Variants in ROBO2 observed in about 807,000 individuals in gnomAD.
The protein encoded by ROBO2 is roundabout guidance receptor 2, also known as roundabout homolog 2.
Under a neutral mutation model 160.8 loss-of-function variants are expected in ROBO2, and 53 were observed. The observed-to-expected ratio is 0.33, with a 90% CI of 0.26 to 0.41. The LOEUF (loss-of-function observed/expected upper bound fraction) is 0.41. ROBO2 is among the 10% of genes least tolerant of loss of function. The probability of loss-of-function intolerance (pLI) is 1.00; values close to 1 mark genes in which losing one functional copy is unlikely to be tolerated. For synonymous variants in ROBO2, 664 were observed against 611.7 expected (o/e 1.09, Z -1.26); for missense variants, 1,577 against 1,722.4 (o/e 0.92, Z 1.49).
intron 2 of ROBO2, among the ~76,000 whole-genome samples, chr3:76,076,732 G>A (rs1207210210): frequency 1.3e-5 from 2 of 152,168 alleles, no homozygotes; most frequent in East Asian, 1.9e-4. Context: ...ACTGCCACAT[G>A]TGTTATATAG....
chr3:76,432,791 G>A (rs2076494601), intron 2 of ROBO2, among the ~76,000 whole-genome samples: 1 of 151,498 alleles, frequency 6.6e-6, no homozygotes, highest in African/African-American at 2.4e-5. Flanking sequence ...ACGCATAACC[G>A]AAAAAACAGG....
chr3:76,955,888 C>CAAAAAAAAA (rs35674535), intron 2 of ROBO2, among the ~76,000 whole-genome samples: 1 of 124,078 alleles, frequency 8.1e-6, no homozygotes. Context: ...GAGACTCCGT[C>CAAAAAAAAA]AAAAAAAAAA....
intron 2 of ROBO2, among the ~76,000 whole-genome samples, chr3:76,060,567 G>A (rs1305515832): frequency 6.6e-6 from 1 of 152,204 alleles, no homozygotes; most frequent in East Asian, 1.9e-4. Flanking sequence ...AAGGCTGGCA[G>A]CAATTTCTGG....
intron 21 of ROBO2, among the ~76,000 whole-genome samples, chr3:77,609,791 C>T (rs7651815): frequency 3.5e-4 from 50 of 143,684 alleles, no homozygotes; most frequent in African/African-American, 1.2e-3. Context: ...TTTATATATA[C>T]ATATATATAT....
chr3:77,410,028 G>C (rs2076577312), intron 2 of ROBO2, among the ~76,000 whole-genome samples: 1 of 152,078 alleles, frequency 6.6e-6, no homozygotes, highest in Non-Finnish European at 1.5e-5. Flanking sequence ...CCTTAATTGG[G>C]TTATCTCCTA....
intron 2 of ROBO2, among the ~76,000 whole-genome samples, chr3:77,361,663 A>T (rs376175436): frequency 6.6e-6 from 1 of 152,190 alleles, no homozygotes. Flanking sequence ...GGCCTCTTTT[A>T]TAAGGACACC....
rs188145624 is a variant in ROBO2 at position 76,634,458 on chromosome 3, C to T, written c.110-463556C>T. Among the ~76,000 whole-genome samples the T allele has an allele frequency of 7.6e-4, 115 of 152,170 alleles. 2 individuals carry two copies. The highest frequency in any genetic ancestry group is 1.4e-3 in the Non-Finnish European group (95 of 68,022). On this transcript the variant is annotated intron_variant, in intron 2 of 26. Coordinates refer to the ROBO2 transcript ENST00000487694. ...TGGCGTGTACCTGTAATCCCAGCTA[C>T]TCAGGAGGCTGAGGCAGGAGAATCG...
intron 2 of ROBO2, among the ~76,000 whole-genome samples, chr3:76,200,004 T>G (rs1165494793): frequency 6.6e-6 from 1 of 152,154 alleles, no homozygotes. Flanking sequence ...TTATTTCCAC[T>G]ATAGGAGAGG....
rs2077368665 is a variant in ROBO2 at position 76,931,887 on chromosome 3, G to T, written c.110-166127G>T. On this transcript the variant is annotated intron_variant, in intron 2 of 26. Coordinates refer to the ROBO2 transcript ENST00000487694. The stretch of plus-strand genomic sequence containing the variant: ...GTAGAGATGGGGTTTCATCATGTTG[G>T]GCAGGCTGGTCTCAAACTCCTGACC... 2.0e-5 allele frequency among the ~76,000 whole-genome samples: 3 copies of T among 152,050 alleles called. No homozygotes were observed. The South Asian group carries it at 6.2e-4, about 32-fold the overall frequency.
intron 2 of ROBO2, among the ~76,000 whole-genome samples, chr3:77,007,796 C>G (rs1266739624): frequency 6.6e-6 from 1 of 152,020 alleles, no homozygotes; most frequent in Non-Finnish European, 1.5e-5. Flanking sequence ...TACATTCCTA[C>G]AAGGGAAATC....
At chr3:76,574,573 T>C (rs2085167124) in intron 2 of ROBO2, among the ~76,000 whole-genome samples, 2 of 152,148 alleles carry the variant, frequency 1.3e-5, no homozygotes, top group African/African-American at 4.8e-5. Context: ...TGATATATGG[T>C]AAATCACATA....
At chr3:76,785,785 G>A (rs1031401142) in intron 2 of ROBO2, among the ~76,000 whole-genome samples, 2 of 151,220 alleles carry the variant, frequency 1.3e-5, no homozygotes, top group Admixed American at 6.6e-5. Context: ...TATTTACCTA[G>A]CTGCTTCATG....
intron 2 of ROBO2, among the ~76,000 whole-genome samples, chr3:76,000,633 T>G (rs2065860270): frequency 6.6e-6 from 1 of 151,640 alleles, no homozygotes; most frequent in Admixed American, 6.6e-5. Context: ...GGACTACAGG[T>G]GCCTGCCACC....
intron 2 of ROBO2, among the ~76,000 whole-genome samples, chr3:76,738,667 C>G (rs1394592454): frequency 6.6e-6 from 1 of 152,060 alleles, no homozygotes; most frequent in Non-Finnish European, 1.5e-5. Context: ...TTGATAAACA[C>G]AGTTTAAATT....
intron 2 of ROBO2, among the ~76,000 whole-genome samples, chr3:76,559,074 C>T (rs1176336614): frequency 1.3e-5 from 2 of 152,020 alleles, no homozygotes; most frequent in Non-Finnish European, 1.5e-5. Context: ...TATTTACATA[C>T]GGGGCAATTC....
intron 2 of ROBO2, among the ~76,000 whole-genome samples, chr3:77,183,278 T>C (rs2080966860): frequency 6.6e-6 from 1 of 152,078 alleles, no homozygotes; most frequent in Admixed American, 6.6e-5. Flanking sequence ...GGGATTACCT[T>C]CTCAACTGGA....
chr3:76,192,531 CACACA>C (rs777955670), intron 2 of ROBO2, among the ~76,000 whole-genome samples: 4,767 of 109,768 alleles, frequency 0.043, 186 homozygotes, highest in East Asian at 0.31. Context: ...CCACCACACA[CACACA>C]CACACACACA....
chr3:76,181,993 T>C (rs1030744459), intron 2 of ROBO2, among the ~76,000 whole-genome samples: 9 of 152,132 alleles, frequency 5.9e-5, no homozygotes, highest in African/African-American at 2.2e-4. Flanking sequence ...GAAGCATTAA[T>C]AAGGAAGAAA....
At chr3:76,050,080 T>G (rs540420775) in intron 2 of ROBO2, among the ~76,000 whole-genome samples, 9 of 152,222 alleles carry the variant, frequency 5.9e-5, no homozygotes, top group African/African-American at 2.2e-4. Context: ...TGTTCCTGGG[T>G]GTGTCTTTGA....
Sources: allele counts gnomAD v4.1 joint callset (sites outside exome capture counted in the v4.1 genomes callset), GRCh38; gene constraint gnomAD v4.1.1; transcripts MANE v1.5; gene names NCBI Gene and HGNC (gene_info 2026-07-23, HGNC 2026-07-21).